The following DACH2 variants were observed in gnomAD, a reference collection of about 807,000 sequenced individuals.
The protein encoded by DACH2 is dachshund family transcription factor 2.
A neutral mutation model predicts 35.8 loss-of-function variants in DACH2; 17 were observed. The ratio of observed to expected loss-of-function variants is 0.48; its 90% confidence interval spans 0.33 to 0.71. The LOEUF (loss-of-function observed/expected upper bound fraction) is 0.71. DACH2 is among the 30% of genes least tolerant of loss of function. The probability of loss-of-function intolerance (pLI) is 0.02; values close to 1 mark genes in which losing one functional copy is unlikely to be tolerated. For missense variants in DACH2, 469 were observed against 472.7 expected (o/e 0.99, Z 0.07); for synonymous variants, 195 against 177.3 (o/e 1.10, Z -0.79).
At chrX:86,260,703 A>G (rs2033609723) in intron 1 of DACH2, among the ~76,000 whole-genome samples, 1 of 111,759 alleles carries the variant, frequency 8.9e-6, no homozygotes, top group Non-Finnish European at 1.9e-5. Flanking sequence ...ATCCTTATAT[A>G]CCCCTCAATA....
intron 1 of DACH2, among the ~76,000 whole-genome samples, chrX:86,366,111 G>T (rs751101338): frequency 9.0e-6 from 1 of 111,119 alleles, no homozygotes; most frequent in East Asian, 2.9e-4. Flanking sequence ...TGTGTACATT[G>T]TCTTTTGCTA....
rs562343563 is a variant in DACH2 at position 86,274,688 on chromosome X, C to T, written c.489-102136C>T. Among the ~76,000 whole-genome samples, 5 of 107,932 alleles carry T rather than the reference C, an allele frequency of 4.6e-5. No homozygotes were observed. In the South Asian group the frequency reaches 1.7e-3, roughly 36 times the overall value. The allele number at this position is 107,932 out of a possible 115,157, so 93.7% of individuals were successfully genotyped here. A position where few individuals can be genotyped will look rare whatever the true frequency, so the allele number is the denominator to read the frequency against. On this transcript the variant is annotated intron_variant, in intron 1 of 11. Transcript: ENST00000373125. Reference sequence around the variant, plus strand: ...TTTGTTTTTGTATTTTTAGTAGAGACGGGGTTTCACCGTGTTAGCCAGGAT... The same window carrying T: ...TTTGTTTTTGTATTTTTAGTAGAGATGGGGTTTCACCGTGTTAGCCAGGAT...
intron 3 of DACH2, among the ~76,000 whole-genome samples, chrX:86,591,076 G>T (rs1284827194): frequency 9.0e-6 from 1 of 110,632 alleles, no homozygotes; most frequent in African/African-American, 3.3e-5. Flanking sequence ...GTGGTATTTG[G>T]TTTTTTGTCC....
intron 3 of DACH2, among the ~76,000 whole-genome samples, chrX:86,534,504 C>A (rs1327269572): frequency 1.8e-5 from 2 of 111,729 alleles, no homozygotes; most frequent in African/African-American, 6.5e-5. Context: ...AAAATAAAAA[C>A]CTCAGTGAAC....
chrX:86,733,890 A>C (rs192317985), intron 6 of DACH2, among the ~76,000 whole-genome samples: 2 of 110,330 alleles, frequency 1.8e-5, no homozygotes, highest in Non-Finnish European at 3.8e-5. Flanking sequence ...CACTGACAAG[A>C]ATCACTACTT....
intron 3 of DACH2, among the ~76,000 whole-genome samples, chrX:86,519,396 G>A (rs1049689273): frequency 2.7e-5 from 3 of 111,897 alleles, no homozygotes; most frequent in Non-Finnish European, 5.6e-5. Context: ...GTATCAAGAT[G>A]ATCATGGCCT....
At chrX:86,286,713 C>T (rs964494896) in intron 1 of DACH2, among the ~76,000 whole-genome samples, 4 of 98,111 alleles carry the variant, frequency 4.1e-5, no homozygotes, top group East Asian at 3.3e-4. Context: ...ACACTGTTTG[C>T]GTAAACTTGC....
intron 5 of DACH2, among the ~76,000 whole-genome samples, chrX:86,712,807 A>T (rs1390154179): frequency 2.7e-5 from 3 of 111,160 alleles, no homozygotes; most frequent in African/African-American, 9.8e-5. Flanking sequence ...GTGAGCCATA[A>T]GTGAACACGG....
chrX:86,159,062 A>G (rs1450926234), intron 1 of DACH2, among the ~76,000 whole-genome samples: 1 of 111,647 alleles, frequency 9.0e-6, no homozygotes, highest in Non-Finnish European at 1.9e-5. Flanking sequence ...AATTCTTAAA[A>G]TTCATAAAGT....
At chrX:86,417,240 C>T (rs2036722101) in intron 2 of DACH2, among the ~76,000 whole-genome samples, 1 of 111,046 alleles carries the variant, frequency 9.0e-6, no homozygotes, top group Admixed American at 9.6e-5. Context: ...TCTGGCTCAA[C>T]TTCCAATATT....
intron 1 of DACH2, among the ~76,000 whole-genome samples, chrX:86,263,177 G>T (rs1358156531): frequency 1.8e-5 from 2 of 111,888 alleles, no homozygotes; most frequent in Non-Finnish European, 3.8e-5. Context: ...TTCAGTGCTG[G>T]TGATTGCAGA....
intron 2 of DACH2, among the ~76,000 whole-genome samples, chrX:86,405,228 A>G (rs1457764186): frequency 9.0e-6 from 1 of 111,316 alleles, no homozygotes; most frequent in East Asian, 2.8e-4. Context: ...ATGGGCTTGA[A>G]TTTCTCCCCA....
intron 7 of DACH2, among the ~76,000 whole-genome samples, chrX:86,752,186 A>C (rs748351428): frequency 2.2e-4 from 24 of 111,400 alleles, no homozygotes; most frequent in Non-Finnish European, 4.0e-4. Context: ...AAACCTATAC[A>C]TGTACCCTTT....
At chrX:86,781,326 C>A (rs2042087308) in intron 7 of DACH2, among the ~76,000 whole-genome samples, 1 of 111,614 alleles carries the variant, frequency 9.0e-6, no homozygotes. Flanking sequence ...TCTTTCATCA[C>A]TTTGTCCACT....
intron 2 of DACH2, among the ~76,000 whole-genome samples, chrX:86,422,531 A>T (rs2036822000): frequency 9.1e-6 from 1 of 110,198 alleles, no homozygotes; most frequent in East Asian, 2.9e-4. Context: ...GTTTTTAAAA[A>T]ATTTTTTTGT....
intron 1 of DACH2, among the ~76,000 whole-genome samples, chrX:86,310,638 C>T (rs999385546): frequency 3.6e-5 from 4 of 111,464 alleles, no homozygotes; most frequent in Non-Finnish European, 7.5e-5. Context: ...GCCAGATATG[C>T]GATTATATAC....
At chrX:86,566,719 T>TTCATCA (rs58642717) in intron 3 of DACH2, among the ~76,000 whole-genome samples, 17 of 108,969 alleles carry the variant, frequency 1.6e-4, no homozygotes, top group Non-Finnish European at 1.9e-4. Flanking sequence ...GCAAGTGTAC[T>TTCATCA]TCATCATCAT....
rs763346459 is a variant in DACH2, at chrX:86,610,276, C to A, written c.641-40760C>A. Among the ~76,000 whole-genome samples the A allele has an allele frequency of 1.3e-4, 14 of 111,419 alleles. No individual in the cohort carries two copies. In the Admixed American group the frequency reaches 1.3e-3, roughly 11 times the overall value. On this transcript the variant is annotated intron_variant, in intron 3 of 11. Coordinates refer to ENST00000373125, the MANE Select transcript of DACH2 (RefSeq NM_053281.3). ...GTATATAGTACTGCCAGAATAATGA[C>A]AGTGTACTCTTAAGACCCAAAGGTT...
At chrX:86,303,906 A>C (rs2034624621) in intron 1 of DACH2, among the ~76,000 whole-genome samples, 1 of 111,494 alleles carries the variant, frequency 9.0e-6, no homozygotes, top group Non-Finnish European at 1.9e-5. Flanking sequence ...GTATGGAACC[A>C]CAAAAGACTC....
Sources: allele counts gnomAD v4.1 joint callset (sites outside exome capture counted in the v4.1 genomes callset), GRCh38; gene constraint gnomAD v4.1.1; transcripts MANE v1.5; gene names NCBI Gene and HGNC (gene_info 2026-07-23, HGNC 2026-07-21).